Variants in STPG2 observed in about 807,000 individuals in gnomAD.
STPG2 encodes the protein sperm tail PG-rich repeat containing 2, also known as sperm-tail PG-rich repeat-containing protein 2.
STPG2 carries 56 observed loss-of-function variants against 54.2 expected under a neutral mutation model. The observed-to-expected ratio is 1.03, with a 90% CI of 0.83 to 1.29. The LOEUF is 1.29. Among genes scored for constraint, STPG2 ranks in the 50% most tolerant of loss-of-function variants. The pLI is 0.00. For missense variants in STPG2, 596 were observed against 544.9 expected (o/e 1.09, Z -0.93); for synonymous variants, 200 against 181.8 (o/e 1.10, Z -0.81).
At chr4:97,662,182 A>G (rs1722393064) in intron 10 of STPG2, among the ~76,000 whole-genome samples, 1 of 152,150 alleles carries the variant, frequency 6.6e-6, no homozygotes, top group Non-Finnish European at 1.5e-5. Context: ...AAATCAATAA[A>G]CAAAGAGCAA....
intron 4 of STPG2, among the ~76,000 whole-genome samples, chr4:97,448,850 T>G (rs1034783525): frequency 6.6e-6 from 1 of 152,158 alleles, no homozygotes; most frequent in Non-Finnish European, 1.5e-5. Context: ...TTACATTAAA[T>G]GTTCTCTTCA....
chr4:97,793,570 G>C (rs977370713), intron 9 of STPG2, among the ~76,000 whole-genome samples: 1 of 151,496 alleles, frequency 6.6e-6, no homozygotes, highest in South Asian at 2.1e-4. Flanking sequence ...TTACCAAAGG[G>C]GTTTCTAAAA....
chr4:97,831,440 C>A (rs1047579580), intron 9 of STPG2, among the ~76,000 whole-genome samples: 8 of 151,972 alleles, frequency 5.3e-5, no homozygotes, highest in African/African-American at 1.2e-4. Flanking sequence ...AAAATTGACA[C>A]CCTAACCTCA....
chr4:97,808,161 A>C (rs548543809), intron 9 of STPG2, among the ~76,000 whole-genome samples: 4 of 152,140 alleles, frequency 2.6e-5, no homozygotes, highest in African/African-American at 9.6e-5. Flanking sequence ...GTAAATGAAC[A>C]CAGGTAGTAT....
At position 97,448,858 on chromosome 4, in the gene STPG2, T is replaced by C. The variant is rs111519993; in HGVS notation, c.463-261025A>G. Reference sequence around the variant, plus strand: ...GGCAGAGTTACATTAAATGTTCTCTTCAGAACAGTATGCCTTAAAAATGGA... The same window carrying C: ...GGCAGAGTTACATTAAATGTTCTCTCCAGAACAGTATGCCTTAAAAATGGA... On this transcript the variant is annotated intron_variant, in intron 4 of 4. Transcript: ENST00000522676. Among the ~76,000 whole-genome samples, 858 of 152,176 alleles carry C rather than the reference T, an allele frequency of 5.6e-3. 15 individuals are homozygous for C. The highest frequency in any genetic ancestry group is 0.038 in the East Asian group (196 of 5,166).
chr4:98,037,958 G>C (rs1736825301), intron 5 of STPG2, among the ~76,000 whole-genome samples: 1 of 152,112 alleles, frequency 6.6e-6, no homozygotes, highest in Admixed American at 6.6e-5. Context: ...TCTAAACAGA[G>C]AGATATAGCA....
intron 4 of STPG2, among the ~76,000 whole-genome samples, chr4:97,491,937 G>T (rs747447219): frequency 2.0e-5 from 3 of 151,472 alleles, no homozygotes; most frequent in Non-Finnish European, 4.4e-5. Flanking sequence ...CAAGGGGATA[G>T]TGAAGAGAAT....
chr4:97,870,179 C>T (rs951707729), intron 8 of STPG2, among the ~76,000 whole-genome samples: 1 of 151,432 alleles, frequency 6.6e-6, no homozygotes, highest in Non-Finnish European at 1.5e-5. Context: ...TATGTATGTT[C>T]TTGATAATAC....
chr4:97,452,635 C>G (rs1729407110), intron 4 of STPG2, among the ~76,000 whole-genome samples: 1 of 152,148 alleles, frequency 6.6e-6, no homozygotes, highest in Non-Finnish European at 1.5e-5. Flanking sequence ...TCAAGATGAC[C>G]AACAGCAGAG....
intron 10 of STPG2, among the ~76,000 whole-genome samples, chr4:97,673,655 A>G (rs1037931636): frequency 2.1e-5 from 3 of 143,380 alleles, no homozygotes; most frequent in Admixed American, 7.4e-5. Context: ...GATTAAATTA[A>G]AGAATATACG....
chr4:97,909,856 C>T (rs924370143), intron 8 of STPG2, among the ~76,000 whole-genome samples: 2 of 152,058 alleles, frequency 1.3e-5, no homozygotes, highest in African/African-American at 4.8e-5. Flanking sequence ...ATTATTAAAA[C>T]TTTCCCCCAG....
intron 10 of STPG2, among the ~76,000 whole-genome samples, chr4:97,688,716 A>G (rs956140914): frequency 1.2e-4 from 19 of 152,214 alleles, no homozygotes; most frequent in Non-Finnish European, 2.5e-4. Context: ...CAGCAGTCAA[A>G]TGAAATTAGT....
intron 8 of STPG2, among the ~76,000 whole-genome samples, chr4:97,873,391 G>C (rs1730059894): frequency 6.6e-6 from 1 of 151,300 alleles, no homozygotes; most frequent in South Asian, 2.1e-4. Flanking sequence ...CCTAAATACA[G>C]TGCAACATTT....
At chr4:97,787,228 C>A (rs1040479821) in intron 9 of STPG2, among the ~76,000 whole-genome samples, 1 of 152,004 alleles carries the variant, frequency 6.6e-6, no homozygotes, top group Non-Finnish European at 1.5e-5. Flanking sequence ...GTTAGACCCT[C>A]ACATAAAACG....
At chr4:98,081,737 T>C (rs1738349537) in intron 5 of STPG2, among the ~76,000 whole-genome samples, 1 of 152,224 alleles carries the variant, frequency 6.6e-6, no homozygotes, top group Non-Finnish European at 1.5e-5. Context: ...TTTTCAATCC[T>C]TGAAAACATT....
At chr4:98,031,609 C>T (rs932594456) in intron 5 of STPG2, among the ~76,000 whole-genome samples, 2 of 151,950 alleles carry the variant, frequency 1.3e-5, no homozygotes, top group Non-Finnish European at 2.9e-5. Flanking sequence ...CGCTTGAAAC[C>T]GGAAGGCGGA....
intron 4 of STPG2, among the ~76,000 whole-genome samples, chr4:97,501,177 T>C (rs887344183): frequency 2.0e-5 from 3 of 152,026 alleles, no homozygotes; most frequent in Non-Finnish European, 4.4e-5. Context: ...AGAGAAAATA[T>C]TTAGATCAAA....
intron 4 of STPG2, among the ~76,000 whole-genome samples, chr4:97,548,875 AATTTT>A (rs1731903230): frequency 6.6e-6 from 1 of 152,208 alleles, no homozygotes; most frequent in Admixed American, 6.5e-5. Flanking sequence ...AACTATTGAC[AATTTT>A]ATTTTAAAAT....
At chr4:97,620,494 G>A (rs1733983025) in intron 10 of STPG2, among the ~76,000 whole-genome samples, 1 of 151,854 alleles carries the variant, frequency 6.6e-6, no homozygotes, top group Non-Finnish European at 1.5e-5. Context: ...AAGGGTGGCT[G>A]GTCTAATTTC....
Sources: allele counts gnomAD v4.1 joint callset (sites outside exome capture counted in the v4.1 genomes callset), GRCh38; gene constraint gnomAD v4.1.1; transcripts MANE v1.5; gene names NCBI Gene and HGNC (gene_info 2026-07-23, HGNC 2026-07-21).